The following PDE1C variants were observed in gnomAD, a reference collection of about 807,000 sequenced individuals.
PDE1C encodes the protein phosphodiesterase 1C, also known as dual specificity calcium/calmodulin-dependent 3',5'-cyclic nucleotide phosphodiesterase 1C.
Under a neutral mutation model 93.1 loss-of-function variants are expected in PDE1C, and 62 were observed. The ratio of observed to expected loss-of-function variants is 0.67; its 90% confidence interval spans 0.54 to 0.82. PDE1C has a LOEUF of 0.82. Ranked by LOEUF, PDE1C falls within the 40% of genes least tolerant of loss-of-function variation. The probability of loss-of-function intolerance (pLI) is 0.00; values close to 1 mark genes in which losing one functional copy is unlikely to be tolerated. For synonymous variants in PDE1C, 325 were observed against 310.1 expected, an observed-to-expected ratio of 1.05 and a Z score of -0.50; for missense variants, 742 against 884.6, an observed-to-expected ratio of 0.84 and a Z score of 2.04.
intron 1 of PDE1C, among the ~76,000 whole-genome samples, chr7:32,388,791 A>T (rs1784690338): frequency 6.6e-6 from 1 of 151,816 alleles, no homozygotes. Flanking sequence ...AACAGTAGAG[A>T]TTTTGGCCTT....
At position 32,108,529 on chromosome 7, in the gene PDE1C, C is replaced by T. The variant is rs181218080; in HGVS notation, c.308+61256G>A. On this transcript the variant is annotated intron_variant, in intron 3 of 18. Coordinates refer to the PDE1C transcript ENST00000396193. ...ACACAGTAAAAGTTAAAAGTATTTC[C>T]CAGGCCATAATTCCAGAAGAAAATT... 2.1e-3 allele frequency among the ~76,000 whole-genome samples: 316 copies of T among 151,758 alleles called. 3 individuals are homozygous for T. The highest frequency in any genetic ancestry group is 0.01 in the Middle Eastern group (3 of 294).
chr7:32,138,020 G>C (rs930874168), intron 3 of PDE1C, among the ~76,000 whole-genome samples: 1 of 152,152 alleles, frequency 6.6e-6, no homozygotes, highest in Admixed American at 6.5e-5. Flanking sequence ...CTCCCTATGA[G>C]AATTTAGCAT....
intron 1 of PDE1C, among the ~76,000 whole-genome samples, chr7:32,265,255 T>A (rs1810488570): frequency 6.6e-6 from 1 of 152,192 alleles, no homozygotes; most frequent in Non-Finnish European, 1.5e-5. Flanking sequence ...TCTCTCTCAG[T>A]TGATGAGGTT....
chr7:32,087,929 C>T (rs1797210541), intron 3 of PDE1C, among the ~76,000 whole-genome samples: 1 of 151,484 alleles, frequency 6.6e-6, no homozygotes, highest in African/African-American at 2.4e-5. Context: ...TGCAGCACAC[C>T]AGCATGGCAC....
chr7:32,008,655 G>A (rs544206435), intron 2 of PDE1C, among the ~76,000 whole-genome samples: 1 of 152,240 alleles, frequency 6.6e-6, no homozygotes, highest in South Asian at 2.1e-4. Flanking sequence ...TTCCAGCCTG[G>A]GCTGCAAGAA....
chr7:32,164,610 C>A lies in PDE1C; in HGVS notation c.308+5175G>T, dbSNP rs376227250. Among the ~76,000 whole-genome samples, 11 of 152,302 alleles carry A rather than the reference C, an allele frequency of 7.2e-5. No individual in the cohort carries two copies. In the East Asian group the frequency reaches 1.2e-3, roughly 16 times the overall value. On this transcript the variant is annotated intron_variant, in intron 3 of 18. Coordinates refer to the PDE1C transcript ENST00000396193. ...AGCCTCAGTTTCCTGACCTGTACAA[C>A]TGGGATAACAATACTCAACTTGCCA... is the stretch of plus-strand genomic sequence containing the variant.
chr7:31,919,021 A>G (rs1802282388), intron 2 of PDE1C, among the ~76,000 whole-genome samples: 1 of 152,242 alleles, frequency 6.6e-6, no homozygotes, highest in African/African-American at 2.4e-5. Context: ...ATAATCAGCA[A>G]TGCTATAAAT....
intron 2 of PDE1C, among the ~76,000 whole-genome samples, chr7:31,981,392 T>C (rs1812353485): frequency 6.6e-6 from 1 of 152,214 alleles, no homozygotes; most frequent in Non-Finnish European, 1.5e-5. Context: ...TGACGATTTA[T>C]ATCACATCTT....
intron 2 of PDE1C, among the ~76,000 whole-genome samples, chr7:32,171,138 G>C (rs1802622036): frequency 6.6e-6 from 1 of 152,118 alleles, no homozygotes; most frequent in African/African-American, 2.4e-5. Flanking sequence ...CCTCTCCTGG[G>C]AACTGTGGGT....
At chr7:32,314,928 A>T (rs771293385) in intron 1 of PDE1C, among the ~76,000 whole-genome samples, 2 of 151,298 alleles carry the variant, frequency 1.3e-5, no homozygotes, top group African/African-American at 2.4e-5. Context: ...GACAATAAAT[A>T]TGTTCCTTAT....
chr7:32,029,574 T>G (rs2128632549), intron 2 of PDE1C, among the ~76,000 whole-genome samples: 2 of 147,654 alleles, frequency 1.4e-5, no homozygotes, highest in African/African-American at 2.5e-5. Context: ...TAGTGAGGGG[T>G]GGGAGGAGAG....
At chr7:31,819,961 C>T (rs897951688) in intron 14 of PDE1C, among the ~76,000 whole-genome samples, 3 of 152,070 alleles carry the variant, frequency 2.0e-5, no homozygotes, top group African/African-American at 4.8e-5. Flanking sequence ...AAGAAAGGTG[C>T]TTCTAGACAT....
chr7:32,075,180 G>GA, upstream of PDE1C, among the ~76,000 whole-genome samples: 1 of 152,194 alleles, frequency 6.6e-6, no homozygotes, highest in African/African-American at 2.4e-5. Flanking sequence ...AGGAAGAGTA[G>GA]AAAAAGGAAA....
At chr7:31,922,148 G>A (rs1323553659) in intron 2 of PDE1C, among the ~76,000 whole-genome samples, 1 of 152,156 alleles carries the variant, frequency 6.6e-6, no homozygotes, top group African/African-American at 2.4e-5. Flanking sequence ...AGTCTGCCTT[G>A]ATAATATCCG....
At chr7:31,698,111 T>A in the PDE1C span, among the ~76,000 whole-genome samples, 1 of 152,190 alleles carries the variant, frequency 6.6e-6, no homozygotes, top group Non-Finnish European at 1.5e-5. Context: ...TGGTTTGGAA[T>A]CTTAGCATTA....
chr7:31,809,828 T>C (rs1252887865), intron 15 of PDE1C, among the ~76,000 whole-genome samples: 1 of 152,082 alleles, frequency 6.6e-6, no homozygotes, highest in Non-Finnish European at 1.5e-5. Context: ...CAAAAATCTA[T>C]AAATTAGCAT....
chr7:31,875,602 T>C (rs985839676), intron 5 of PDE1C, among the ~76,000 whole-genome samples: 1 of 151,632 alleles, frequency 6.6e-6, no homozygotes, highest in Non-Finnish European at 1.5e-5. Flanking sequence ...TTGCAGGAAC[T>C]TCCTGTTAGT....
intron 2 of PDE1C, among the ~76,000 whole-genome samples, chr7:32,199,335 C>CTGAAAA (rs1185089038): frequency 1.6e-4 from 25 of 152,194 alleles, no homozygotes; most frequent in African/African-American, 5.5e-4. Flanking sequence ...CTAGTCAATT[C>CTGAAAA]TGAAAAATTC....
intron 2 of PDE1C, among the ~76,000 whole-genome samples, chr7:31,950,960 T>C (rs755666549): frequency 3.9e-5 from 6 of 152,204 alleles, no homozygotes; most frequent in Non-Finnish European, 7.3e-5. Flanking sequence ...CTCATAGTTC[T>C]GGAGGCGGAA....
Sources: gnomAD v4.1 joint callset for allele counts (sites outside exome capture counted in the v4.1 genomes callset) on GRCh38, gnomAD v4.1.1 for gene constraint, MANE v1.5 for transcripts, NCBI Gene and HGNC (gene_info 2026-07-23, HGNC 2026-07-21) for gene names.